KIF13B: variants seen among roughly 807,000 people sequenced by gnomAD.
KIF13B encodes kinesin-like protein KIF13B.
KIF13B carries 127 observed loss-of-function variants against 222.0 expected under a neutral mutation model. The ratio of observed to expected loss-of-function variants is 0.57; its 90% CI spans 0.50 to 0.66. KIF13B has a LOEUF of 0.66. Among genes scored for constraint, KIF13B ranks in the 30% least tolerant of loss-of-function variants. The probability of loss-of-function intolerance (pLI) is 0.00; values close to 1 mark genes in which losing one functional copy is unlikely to be tolerated. For missense variants in KIF13B, 2,173 were observed against 2,379.0 expected (o/e 0.91, Z 1.80); for synonymous variants, 976 against 919.0 (o/e 1.06, Z -1.12).
At chr8:29,262,032 A>G (rs188028631) in intron 1 of KIF13B, among the ~76,000 whole-genome samples, 179 of 152,330 alleles carry the variant, frequency 1.2e-3, no homozygotes, top group Middle Eastern at 3.4e-3. Flanking sequence ...ATCAATGGCA[A>G]AGTCATCTCC....
At chr8:29,216,026 TGAAG>T (rs143894478) in intron 2 of KIF13B, among the ~76,000 whole-genome samples, 1 of 152,298 alleles carries the variant, frequency 6.6e-6, no homozygotes, top group African/African-American at 2.4e-5. Flanking sequence ...CCAGCGGAGA[TGAAG>T]GGAGATTTGC....
At chr8:29,101,187 T>C (rs769906779) in intron 35 of KIF13B, among the ~76,000 whole-genome samples, 3 of 152,316 alleles carry the variant, frequency 2.0e-5, no homozygotes, top group Non-Finnish European at 4.4e-5. Flanking sequence ...TCTGGGAAGC[T>C]GCGGCCTTGT....
At chr8:29,186,271 T>TA (rs1341847385) in intron 6 of KIF13B, 21 bp downstream of exon 6, 2 of 1,583,698 alleles carry the variant, frequency 1.3e-6, no homozygotes, top group Non-Finnish European at 1.7e-6. Context: ...GCTGAAACAC[T>TA]AAAGTCTCAA....
intron 14 of KIF13B, 64 bp downstream of exon 14, chr8:29,155,662 C>T (rs1009433817): frequency 1.3e-5 from 18 of 1,413,390 alleles, no homozygotes; most frequent in Non-Finnish European, 1.8e-5. Flanking sequence ...GCCACTGTTG[C>T]CACTAGAGTA....
chr8:29,235,968 C>T (rs983385048), intron 2 of KIF13B, among the ~76,000 whole-genome samples: 1 of 152,146 alleles, frequency 6.6e-6, no homozygotes, highest in Non-Finnish European at 1.5e-5. Flanking sequence ...TAAGGATAAC[C>T]TAGTTCCTGT....
chr8:29,162,311 T>C (rs1231716504), intron 12 of KIF13B, among the ~76,000 whole-genome samples: 1 of 152,246 alleles, frequency 6.6e-6, no homozygotes, highest in Non-Finnish European at 1.5e-5. Flanking sequence ...GCCATCGTAA[T>C]TTATACAATC....
intron 1 of KIF13B, among the ~76,000 whole-genome samples, chr8:29,256,389 G>A (rs1044376552): frequency 2.0e-5 from 3 of 152,214 alleles, no homozygotes; most frequent in Non-Finnish European, 4.4e-5. Flanking sequence ...CACCCCGGTG[G>A]AACTTGGAGC....
At chr8:29,130,193 A>T (rs1810283900) in intron 24 of KIF13B, among the ~76,000 whole-genome samples, 1 of 152,214 alleles carries the variant, frequency 6.6e-6, no homozygotes. Flanking sequence ...TAACACTAAC[A>T]GAACTGGTTT....
At chr8:29,113,695 C>T (rs1330661965) in intron 31 of KIF13B, 140 bp from the exon 32 acceptor site, 24 of 660,760 alleles carry the variant, frequency 3.6e-5, no homozygotes, top group East Asian at 3.0e-4. Flanking sequence ...AGTGAAATCA[C>T]CAAGTACGGT....
At position 29,232,158 on chromosome 8, in the gene KIF13B, G is replaced by A. The variant is rs144773190; in HGVS notation, c.149+13188C>T. 6.6e-5 allele frequency among the ~76,000 whole-genome samples: 10 copies of A among 152,166 alleles called. 1 individual carries two copies. In the East Asian group the frequency reaches 1.9e-3, roughly 29 times the overall value. ...TGTAGTCCCAGCTACTTGGGTGGCT[G>A]AGGTGGGAGGATCCCTTGAACCTGG... On this transcript the variant is annotated intron_variant, in intron 2 of 39. Coordinates refer to ENST00000524189, the MANE Select transcript of KIF13B (RefSeq NM_015254.4).
intron 10 of KIF13B, among the ~76,000 whole-genome samples, chr8:29,170,596 G>C (rs1341123859): frequency 6.6e-6 from 1 of 152,308 alleles, no homozygotes; most frequent in Middle Eastern, 3.4e-3. Flanking sequence ...GGGGAGAGGA[G>C]GGAGGAGAGA....
Position 29,220,679 on chromosome 8 carries a change from A to G in KIF13B, c.150-24480T>C, listed in dbSNP as rs144925353. On this transcript the variant is annotated intron_variant, in intron 2 of 39. Transcript: ENST00000524189. The stretch of plus-strand genomic sequence containing the variant: ...CTAGCACTGACAGAAAAAGATACAT[A>G]CAAACATACACACCAATGTCAACTT... Among the ~76,000 whole-genome samples the G allele has an allele frequency of 3.8e-3, 574 of 152,284 alleles. 1 individual carries two copies. The highest frequency in any genetic ancestry group is 0.012 in the African/African-American group (517 of 41,550).
chr8:29,169,543 T>A (rs894023944), intron 10 of KIF13B, among the ~76,000 whole-genome samples: 1 of 152,254 alleles, frequency 6.6e-6, no homozygotes, highest in Non-Finnish European at 1.5e-5. Flanking sequence ...ACAGACAATA[T>A]GTCCCTTATT....
chr8:29,159,802 A>AAG (rs1166616629), intron 13 of KIF13B, among the ~76,000 whole-genome samples: 2 of 152,232 alleles, frequency 1.3e-5, no homozygotes, highest in African/African-American at 4.8e-5. Flanking sequence ...TACATCATAT[A>AAG]AGATACTTAT....
At chr8:29,119,122 A>G (rs1298040323) in intron 29 of KIF13B, 130 bp from the exon 30 acceptor site, 1 of 945,152 alleles carries the variant, frequency 1.1e-6, no homozygotes, top group African/African-American at 1.6e-5. Flanking sequence ...GAAATCTTAC[A>G]TGACACTGAA....
chr8:29,195,774 C>T (rs1031507879), intron 3 of KIF13B, among the ~76,000 whole-genome samples: 3 of 152,214 alleles, frequency 2.0e-5, no homozygotes, highest in African/African-American at 4.8e-5. Context: ...CGGTTTTGAC[C>T]GCAGTTTGGA....
At position 29,085,705 on chromosome 8, in the gene KIF13B, C is replaced by CTTTTT. The variant is rs71222589; in HGVS notation, c.4458+7035_4458+7039dup. Among the ~76,000 whole-genome samples the CTTTTT allele has an allele frequency of 8.8e-4, 43 of 48,768 alleles. 4 individuals carry two copies. The highest frequency in any genetic ancestry group is 0.019 in the Middle Eastern group (1 of 54). The allele number at this position is 48,768 out of a possible 152,430, so 32.0% of individuals were successfully genotyped here. ...GTTTTTAAGTAACAGAAATACTCTT[C>CTTTTT]TTTTTTTTTTTTTTTTTTTTTTTTT... On this transcript the variant is annotated intron_variant, in intron 37 of 39. Coordinates refer to ENST00000524189, the MANE Select transcript of KIF13B (RefSeq NM_015254.4).
At chr8:29,226,087 T>A (rs1385817118) in intron 2 of KIF13B, among the ~76,000 whole-genome samples, 2 of 152,148 alleles carry the variant, frequency 1.3e-5, no homozygotes, top group East Asian at 3.9e-4. Flanking sequence ...ACCTTCTGCA[T>A]TGAATACATG....
intron 10 of KIF13B, among the ~76,000 whole-genome samples, chr8:29,168,486 T>G (rs1267310186): frequency 6.6e-6 from 1 of 152,220 alleles, no homozygotes; most frequent in African/African-American, 2.4e-5. Flanking sequence ...GACTTATTCA[T>G]CGGTCTCCAA....
Sources: allele counts gnomAD v4.1 joint callset (sites outside exome capture counted in the v4.1 genomes callset), GRCh38; gene constraint gnomAD v4.1.1; transcripts MANE v1.5; gene names NCBI Gene and HGNC (gene_info 2026-07-23, HGNC 2026-07-21).